The following C3orf20 variants were observed in gnomAD, a reference collection of about 807,000 sequenced individuals.
C3orf20 encodes uncharacterized protein C3orf20.
A neutral mutation model predicts 88.3 loss-of-function variants in C3orf20; 76 were observed. The ratio of observed to expected loss-of-function variants is 0.86; its 90% confidence interval spans 0.72 to 1.04. The LOEUF (loss-of-function observed/expected upper bound fraction) is 1.04. Among genes scored for constraint, C3orf20 ranks in the 50% least tolerant of loss-of-function variants. C3orf20 has a pLI of 0.00. For missense variants in C3orf20, 1,056 were observed against 1,123.3 expected, an observed-to-expected ratio of 0.94 and a Z score of 0.86; for synonymous variants, 436 against 437.4, an observed-to-expected ratio of 1.00 and a Z score of 0.04.
chr3:14,706,985 C>G (rs149331795), intron 7 of C3orf20, among the ~76,000 whole-genome samples: 7,766 of 152,020 alleles, frequency 0.051, 644 homozygotes, highest in African/African-American at 0.17. Context: ...CGTGGTGGCT[C>G]GTGCCTGTAA....
intron 4 of C3orf20, among the ~76,000 whole-genome samples, chr3:14,685,856 C>CTTT (rs71038423): frequency 3.4e-4 from 23 of 68,384 alleles, no homozygotes; most frequent in East Asian, 8.2e-4. Context: ...GCAGGATTTC[C>CTTT]TTTTTTTTTT....
intron 12 of C3orf20, among the ~76,000 whole-genome samples, chr3:14,752,729 A>G (rs1209787562): frequency 6.6e-6 from 1 of 152,272 alleles, no homozygotes; most frequent in Non-Finnish European, 1.5e-5. Flanking sequence ...CAACAGACAT[A>G]TGAAAAAATA....
chr3:14,748,830 A>T (rs916727948), intron 12 of C3orf20, among the ~76,000 whole-genome samples: 5 of 152,236 alleles, frequency 3.3e-5, no homozygotes, highest in African/African-American at 1.2e-4. Context: ...TAATGTTTTC[A>T]GTCTTTTTAA....
intron 4 of C3orf20, 76 bp downstream of exon 4, chr3:14,684,458 C>G (rs1171180479): frequency 6.5e-7 from 1 of 1,548,106 alleles, no homozygotes; most frequent in East Asian, 2.3e-5. Context: ...AGGCAAAACC[C>G]CCAGTTTGAA....
intron 5 of C3orf20, 146 bp from the exon 6 acceptor site, chr3:14,702,984 T>A (rs897656502): frequency 2.1e-6 from 2 of 965,430 alleles, no homozygotes; most frequent in African/African-American, 3.3e-5. Flanking sequence ...ACAGGGCCCA[T>A]GCAAGTCTAA....
At chr3:14,699,525 C>T (rs2033155808) in intron 5 of C3orf20, among the ~76,000 whole-genome samples, 1 of 152,216 alleles carries the variant, frequency 6.6e-6, no homozygotes, top group South Asian at 2.1e-4. Flanking sequence ...CCTTCTGGCC[C>T]AGGATGTATC....
intron 5 of C3orf20, among the ~76,000 whole-genome samples, chr3:14,694,304 A>C (rs377568911): frequency 1.3e-5 from 2 of 152,134 alleles, no homozygotes; most frequent in Admixed American, 6.5e-5. Flanking sequence ...TTGACAGTGA[A>C]GCTATTGGGT....
intron 12 of C3orf20, among the ~76,000 whole-genome samples, chr3:14,751,443 C>T (rs114764213): frequency 0.015 from 2,325 of 152,206 alleles, 73 homozygotes; most frequent in African/African-American, 0.052. Context: ...AAGCACAAGG[C>T]GTCAAGGGAT....
In C3orf20 at chr3:14,721,733, A is replaced by G; in HGVS notation, c.1515A>G (p.Thr505=). The part of the protein sequence containing the change: ...VTFTSLNETV[T]LTVSANNCPH... ...TCACCTCCCTGAATGAGACAGTAACACTCACTGTGTCGGCCAACAATTGTC... is the reference window on the plus strand; with the variant it reads ...TCACCTCCCTGAATGAGACAGTAACGCTCACTGTGTCGGCCAACAATTGTC... The change falls in exon 10 of 17, where the codon ACA becomes ACG. Residue 505 remains threonine (T), a synonymous_variant. Coordinates refer to ENST00000253697, the MANE Select transcript of C3orf20 (RefSeq NM_032137.5). 6.2e-7 allele frequency: 1 copy of G among 1,614,154 alleles called. No individual in the cohort carries two copies. The highest frequency in any genetic ancestry group is 8.5e-7 in the Non-Finnish European group (1 of 1,180,010).
intron 12 of C3orf20, among the ~76,000 whole-genome samples, chr3:14,738,504 A>AT (rs1307521253): frequency 2.2e-4 from 32 of 147,130 alleles, no homozygotes; most frequent in Admixed American, 1.5e-3. Flanking sequence ...AATTTTTTGT[A>AT]TTTTTTTTAG....
At chr3:14,687,799 G>A (rs530923021) in intron 4 of C3orf20, among the ~76,000 whole-genome samples, 129 of 152,320 alleles carry the variant, frequency 8.5e-4, no homozygotes, top group African/African-American at 3.0e-3. Flanking sequence ...GGCATCCTCT[G>A]TGGGCTGCGA....
intron 6 of C3orf20, among the ~76,000 whole-genome samples, chr3:14,703,502 G>A (rs1270217276): frequency 1.3e-5 from 2 of 152,214 alleles, no homozygotes; most frequent in East Asian, 3.9e-4. Flanking sequence ...CTGCAACCAT[G>A]CAAGGAAGAC....
At chr3:14,737,976 C>T (rs2034772218) in intron 12 of C3orf20, among the ~76,000 whole-genome samples, 2 of 152,124 alleles carry the variant, frequency 1.3e-5, no homozygotes, top group African/African-American at 4.8e-5. Flanking sequence ...CATGAGATTG[C>T]AGCAATTCGG....
At chr3:14,703,511 A>G (rs977718554) in intron 6 of C3orf20, among the ~76,000 whole-genome samples, 2 of 152,216 alleles carry the variant, frequency 1.3e-5, no homozygotes, top group Admixed American at 1.3e-4. Context: ...TGCAAGGAAG[A>G]CAGGATTGAT....
chr3:14,759,585 G>T lies in C3orf20; in HGVS notation c.2245-306G>T, dbSNP rs532397466. On this transcript the variant is annotated intron_variant, in intron 13 of 16. Coordinates refer to ENST00000253697, the MANE Select transcript of C3orf20 (RefSeq NM_032137.5). ...AAACCTCTGCAGTGCTACCTCCAGG[G>T]CAAGGGAGCAGTCACATTCTGTGGA... 2.6e-5 allele frequency among the ~76,000 whole-genome samples: 4 copies of T among 152,334 alleles called. No individual in the cohort carries two copies. In the East Asian group the frequency reaches 7.7e-4, roughly 29 times the overall value.
At position 14,728,524 on chromosome 3, in the gene C3orf20, G is replaced by T. The variant is rs373392001; in HGVS notation, c.1776G>T (p.Arg592=). Residue 592 remains arginine, a synonymous_variant, in exon 12 of 17, where the codon CGG becomes CGT. Transcript: ENST00000253697. ...FKMRSRTHPE[R]LPKLSLYSGE... Reference sequence around the variant, plus strand: ...TGAGATCCAGAACTCATCCCGAGCGGCTCCCCAAGCTAAGTTTATACTCAG... The same window carrying T: ...TGAGATCCAGAACTCATCCCGAGCGTCTCCCCAAGCTAAGTTTATACTCAG... 8.1e-6 allele frequency: 13 copies of T among 1,614,074 alleles called. No individual in the cohort carries two copies. In the Admixed American group the frequency reaches 2.0e-4, roughly 25 times the overall value.
intron 12 of C3orf20, among the ~76,000 whole-genome samples, chr3:14,753,280 T>G (rs150606203): frequency 4.0e-5 from 6 of 151,846 alleles, no homozygotes; most frequent in Middle Eastern, 3.4e-3. Context: ...TAAGTGGGAG[T>G]TGAACAATGA....
intron 7 of C3orf20, among the ~76,000 whole-genome samples, chr3:14,707,168 G>A (rs1248669709): frequency 2.1e-5 from 3 of 141,194 alleles, no homozygotes; most frequent in African/African-American, 7.9e-5. Flanking sequence ...AGAATGGCAT[G>A]AACCCAGGAG....
chr3:14,772,893 C>A lies in C3orf20; in HGVS notation c.*18C>A. 3 of 1,604,292 alleles carry A rather than the reference C, an allele frequency of 1.9e-6. No individual in the cohort carries two copies. Among genetic ancestry groups the A allele is most frequent in the Non-Finnish European group, 2.6e-6 (3 of 1,171,646 alleles). Reference sequence around the variant, plus strand: ...AGAAGTAGCGCCATCCTGGCAGCAGCCAAGTGAGCCAGGCCCCGGCCCGGG... The same window carrying A: ...AGAAGTAGCGCCATCCTGGCAGCAGACAAGTGAGCCAGGCCCCGGCCCGGG... On this transcript the variant is annotated 3_prime_UTR_variant, in exon 17 of 17. Coordinates refer to ENST00000253697, the MANE Select transcript of C3orf20 (RefSeq NM_032137.5). The surrounding 1 kb of genome is among the most constrained non-coding windows in gnomAD (Gnocchi z 4.2).
Sources: allele counts gnomAD v4.1 joint callset (sites outside exome capture counted in the v4.1 genomes callset), GRCh38; gene constraint gnomAD v4.1.1; non-coding constraint Gnocchi (gnomAD v3.1); transcripts MANE v1.5; gene names NCBI Gene and HGNC (gene_info 2026-07-23, HGNC 2026-07-21).